The following CDH6 variants were observed in gnomAD, a reference collection of about 807,000 sequenced individuals.
CDH6 encodes the protein cadherin-6.
A neutral mutation model predicts 78.0 loss-of-function variants in CDH6; 31 were observed. That is an observed-to-expected ratio of 0.40 (90% CI 0.30 to 0.54). CDH6 has a LOEUF of 0.54. Among genes scored for constraint, CDH6 ranks in the 20% least tolerant of loss-of-function variants. The probability of loss-of-function intolerance (pLI) is 0.56; values close to 1 mark genes in which losing one functional copy is unlikely to be tolerated. For synonymous variants in CDH6, 376 were observed against 368.8 expected, an observed-to-expected ratio of 1.02 and a Z score of -0.23; for missense variants, 724 against 975.9, an observed-to-expected ratio of 0.74 and a Z score of 3.44.
chr5:31,208,267 C>T (rs532951494), intron 1 of CDH6, among the ~76,000 whole-genome samples: 2 of 152,280 alleles, frequency 1.3e-5, no homozygotes, highest in East Asian at 1.9e-4. Flanking sequence ...CCATCCAAGC[C>T]GCAAGGGGTT....
intron 1 of CDH6, among the ~76,000 whole-genome samples, chr5:31,206,884 C>T (rs1361440180): frequency 6.6e-6 from 1 of 151,858 alleles, no homozygotes; most frequent in Non-Finnish European, 1.5e-5. Context: ...AGCACCATAC[C>T]TCCCTTCACT....
chr5:31,242,972 G>A (rs1435144667), intron 1 of CDH6, among the ~76,000 whole-genome samples: 1 of 152,070 alleles, frequency 6.6e-6, no homozygotes, highest in Non-Finnish European at 1.5e-5. Context: ...CTAAGTCTTT[G>A]GATTCCTGCT....
Position 31,323,288 on chromosome 5 carries a change from G to C in CDH6, c.2353G>C (p.Asp785His), listed in dbSNP as rs762926673. ...KKLADMYGGV[D>H]SDKDS ...GCTTGCAGATATGTATGGAGGAGTG[G>C]ACAGTGACAAAGACTCCTAATCTGT... Residue 785 changes from aspartate (D) to histidine (H), a missense_variant, in exon 12 of 12, where the codon GAC becomes CAC. This residue lies in a region of CDH6 where 220 missense variants were observed against 240.6 expected (regional missense o/e 0.91). Coordinates refer to ENST00000265071, the MANE Select transcript of CDH6 (RefSeq NM_004932.4). 6.2e-7 allele frequency: 1 copy of C among 1,609,906 alleles called. No homozygotes were observed. Among genetic ancestry groups the C allele is most frequent in the East Asian group, 2.2e-5 (1 of 44,754 alleles).
intron 1 of CDH6, among the ~76,000 whole-genome samples, chr5:31,200,522 G>T (rs1458085525): frequency 6.7e-6 from 1 of 149,772 alleles, no homozygotes; most frequent in South Asian, 2.1e-4. Flanking sequence ...ATCACAATTT[G>T]GTATTTGTTC....
At chr5:31,293,686 C>T (rs1737484193) in intron 2 of CDH6, among the ~76,000 whole-genome samples, 1 of 152,112 alleles carries the variant, frequency 6.6e-6, no homozygotes, top group Non-Finnish European at 1.5e-5. Context: ...CTTGCTATTG[C>T]TCTTGCCTTT....
At chr5:31,281,572 G>T (rs1055009698) in intron 2 of CDH6, among the ~76,000 whole-genome samples, 1 of 152,152 alleles carries the variant, frequency 6.6e-6, no homozygotes, top group Non-Finnish European at 1.5e-5. Context: ...AGGCAAGAGG[G>T]ACCTTGGACT....
At chr5:31,318,115 A>C (rs972080882) in intron 11 of CDH6, 191 bp downstream of exon 11, 1 of 672,686 alleles carries the variant, frequency 1.5e-6, no homozygotes, top group Admixed American at 2.2e-5. Flanking sequence ...GAAAATGAAC[A>C]GATGTGAAAC....
intron 2 of CDH6, among the ~76,000 whole-genome samples, chr5:31,284,043 G>A (rs1309252662): frequency 6.6e-6 from 1 of 152,066 alleles, no homozygotes; most frequent in Non-Finnish European, 1.5e-5. Context: ...TCAAACTCCT[G>A]AGCTCAAGCA....
chr5:31,230,361 T>A (rs73758182), intron 1 of CDH6, among the ~76,000 whole-genome samples: 12,882 of 152,244 alleles, frequency 0.085, 682 homozygotes, highest in South Asian at 0.26. Flanking sequence ...AGGCAGAGAA[T>A]ATCTTTTTTT....
At chr5:31,218,010 GT>G (rs1470223767) in intron 1 of CDH6, among the ~76,000 whole-genome samples, 3 of 152,016 alleles carry the variant, frequency 2.0e-5, no homozygotes, top group East Asian at 1.9e-4. Context: ...GATGGCATTT[GT>G]TTTTTTATTG....
intron 1 of CDH6, among the ~76,000 whole-genome samples, chr5:31,239,197 T>C (rs933682340): frequency 6.6e-6 from 1 of 152,160 alleles, no homozygotes; most frequent in Non-Finnish European, 1.5e-5. Flanking sequence ...ATTTCATAGC[T>C]CTAAAAGTCC....
At chr5:31,196,419 A>G (rs545583341) in intron 1 of CDH6, among the ~76,000 whole-genome samples, 5 of 152,336 alleles carry the variant, frequency 3.3e-5, no homozygotes, top group Admixed American at 2.6e-4. Flanking sequence ...TGAAACTACA[A>G]TCTTCCTAAG....
rs371085442 is a variant in CDH6 at position 31,294,353 on chromosome 5, T to C, written c.523+97T>C. The C allele has an allele frequency of 2.7e-5, 25 of 933,324 alleles. No individual in the cohort carries two copies. The highest frequency in any genetic ancestry group is 1.9e-4 in the South Asian group (12 of 63,186). 57.8% of individuals were successfully genotyped at this position (933,324 alleles called of 1,614,324 possible). A position where few individuals can be genotyped will look rare whatever the true frequency, so the allele number is the denominator to read the frequency against. On this transcript the variant is annotated intron_variant, in intron 3 of 11. Transcript: ENST00000265071. This position sits in a 1 kb window ranked among gnomAD's most constrained non-coding sequence, Gnocchi z 4.1. ...GCTCAAAGTACTGAACTGCATGAAT[T>C]TAGATGCTAACTTCTTCAATCCATG... is the stretch of plus-strand genomic sequence containing the variant.
Position 31,200,067 on chromosome 5 carries a change from T to C in CDH6, c.-129+6181T>C, listed in dbSNP as rs556988403. ...AGCAGAGGGCATGGGAATGATTTGA[T>C]TATTTTGACCAGAGCTTGGCAGATG... On this transcript the variant is annotated intron_variant, in intron 1 of 11. Transcript: ENST00000265071. Among the ~76,000 whole-genome samples the C allele has an allele frequency of 2.0e-4, 30 of 152,238 alleles. No homozygotes were observed. In the South Asian group the frequency reaches 4.4e-3, roughly 22 times the overall value.
intron 1 of CDH6, among the ~76,000 whole-genome samples, chr5:31,242,705 G>GGT (rs1238123509): frequency 1.4e-4 from 18 of 132,840 alleles, no homozygotes; most frequent in Non-Finnish European, 2.5e-4. Flanking sequence ...TAAGAATGGG[G>GGT]GGGGGCGGTT....
chr5:31,225,241 G>T (rs1257966755), intron 1 of CDH6, among the ~76,000 whole-genome samples: 2 of 152,168 alleles, frequency 1.3e-5, no homozygotes, highest in African/African-American at 4.8e-5. Context: ...ATGCATAAAT[G>T]ACTCTGGGCT....
chr5:31,325,596 T>C lies in CDH6; in HGVS notation c.*2288T>C, dbSNP rs1738608491. On this transcript the variant is annotated 3_prime_UTR_variant, in exon 12 of 12. Coordinates refer to ENST00000265071, the MANE Select transcript of CDH6 (RefSeq NM_004932.4). ...GTAAAAAGAAAGGTATCATCTGAAGTTGAGGATTGACACTAGCAGTTTCCA... is the reference window on the plus strand; with the variant it reads ...GTAAAAAGAAAGGTATCATCTGAAGCTGAGGATTGACACTAGCAGTTTCCA... 1 of 230,756 alleles carries C rather than the reference T, an allele frequency of 4.3e-6. No homozygotes were observed. Among genetic ancestry groups the C allele is most frequent in the Admixed American group, 5.7e-5 (1 of 17,694 alleles). The allele number at this position is 230,756 out of a possible 1,614,324, so 14.3% of individuals were successfully genotyped here.
At chr5:31,222,152 CT>C (rs1185510535) in intron 1 of CDH6, among the ~76,000 whole-genome samples, 6 of 152,080 alleles carry the variant, frequency 3.9e-5, no homozygotes, top group African/African-American at 2.4e-5. Flanking sequence ...GGCCAAGTGA[CT>C]TTTTTTCAAT....
chr5:31,300,028 T>C (rs1737719570), intron 5 of CDH6, among the ~76,000 whole-genome samples: 1 of 152,246 alleles, frequency 6.6e-6, no homozygotes, highest in African/African-American at 2.4e-5. Flanking sequence ...CAAAGCTTTA[T>C]AAGGGGAGGA....
Sources: gnomAD v4.1 joint callset for allele counts (sites outside exome capture counted in the v4.1 genomes callset) on GRCh38, gnomAD v4.1.1 for gene constraint, gnomAD v4.1.1 regional missense constraint, Gnocchi (gnomAD v3.1) non-coding constraint, MANE v1.5 for transcripts, NCBI Gene and HGNC (gene_info 2026-07-23, HGNC 2026-07-21) for gene names.